Variants in SUGCT observed in about 807,000 individuals in gnomAD.
SUGCT encodes the protein succinyl-CoA:glutarate CoA-transferase.
In SUGCT, 41 loss-of-function variants were observed where a neutral mutation model predicts 55.0. The ratio of observed to expected loss-of-function variants is 0.74; its 90% confidence interval spans 0.58 to 0.97. The LOEUF (loss-of-function observed/expected upper bound fraction) is 0.97, where lower values mean the gene tolerates loss of function less well. Among genes scored for constraint, SUGCT ranks in the 50% least tolerant of loss-of-function variants. The pLI is 0.00. For missense variants in SUGCT, 568 were observed against 547.8 expected (o/e 1.04, Z -0.37); for synonymous variants, 187 against 200.4 (o/e 0.93, Z 0.56).
intron 13 of SUGCT, among the ~76,000 whole-genome samples, chr7:40,765,200 C>T (rs1295903234): frequency 1.3e-5 from 2 of 151,882 alleles, no homozygotes; most frequent in East Asian, 1.9e-4. Context: ...GTGAAATTTT[C>T]CAGTAAGACA....
intron 9 of SUGCT, among the ~76,000 whole-genome samples, chr7:40,326,755 A>C (rs1161898574): frequency 3.3e-5 from 5 of 152,186 alleles, no homozygotes; most frequent in Admixed American, 6.5e-5. Context: ...TTGGGTATAG[A>C]TTCATACTTA....
chr7:40,203,182 A>C (rs1786713434), intron 6 of SUGCT, among the ~76,000 whole-genome samples: 3 of 152,176 alleles, frequency 2.0e-5, no homozygotes, highest in Admixed American at 2.0e-4. Flanking sequence ...TTTCCAAGGA[A>C]ATTCAGCTGA....
chr7:40,960,930 T>A, the SUGCT span, among the ~76,000 whole-genome samples: 1 of 152,304 alleles, frequency 6.6e-6, no homozygotes, highest in African/African-American at 2.4e-5. Context: ...TGTGACAATT[T>A]AATTGAGCAG....
intron 13 of SUGCT, among the ~76,000 whole-genome samples, chr7:40,832,791 C>T (rs952060495): frequency 2.6e-5 from 4 of 151,884 alleles, no homozygotes; most frequent in African/African-American, 9.7e-5. Flanking sequence ...TCTCTTGCCT[C>T]ACCCTCCCAA....
In SUGCT at chr7:40,504,581, C is replaced by T. The variant is rs531010401; in HGVS notation, c.1089+8195C>T. 1.5e-4 allele frequency among the ~76,000 whole-genome samples: 23 copies of T among 152,102 alleles called. No homozygotes were observed. The South Asian group carries it at 2.1e-3, about 14-fold the overall frequency. On this transcript the variant is annotated intron_variant, in intron 12 of 13. Transcript: ENST00000335693. ...TTCCCAGTAGCTAGGATTAGAAGGGCGTGCCACCACACCCGCTAATTTTTG... is the reference window on the plus strand; with the variant it reads ...TTCCCAGTAGCTAGGATTAGAAGGGTGTGCCACCACACCCGCTAATTTTTG...
intron 12 of SUGCT, chr7:40,499,291 G>T: frequency 3.6e-6 from 1 of 274,370 alleles, no homozygotes; most frequent in Non-Finnish European, 7.4e-6. Context: ...CTCAGTAACG[G>T]CAGAAAAATT....
intron 9 of SUGCT, among the ~76,000 whole-genome samples, chr7:40,408,893 T>A (rs1786517214): frequency 6.6e-6 from 1 of 152,218 alleles, no homozygotes; most frequent in Non-Finnish European, 1.5e-5. Flanking sequence ...TATGAACAGA[T>A]ACACAAAGGC....
intron 6 of SUGCT, among the ~76,000 whole-genome samples, chr7:40,233,216 T>G (rs1788822706): frequency 6.6e-6 from 1 of 151,774 alleles, no homozygotes; most frequent in Admixed American, 6.6e-5. Context: ...ATATGTTTAT[T>G]ATTATTATTA....
intron 1 of SUGCT, among the ~76,000 whole-genome samples, chr7:40,180,203 A>G (rs1396874310): frequency 6.6e-6 from 1 of 151,218 alleles, no homozygotes; most frequent in African/African-American, 2.4e-5. Context: ...GGCTCGCTAC[A>G]GCTTCCGCCT....
At chr7:40,691,055 G>T (rs1381367177) in intron 12 of SUGCT, among the ~76,000 whole-genome samples, 3 of 152,158 alleles carry the variant, frequency 2.0e-5, no homozygotes, top group Admixed American at 6.5e-5. Flanking sequence ...GAATAGAAAA[G>T]GAAGACTCAG....
At chr7:40,648,729 G>C (rs1385572060) in intron 12 of SUGCT, among the ~76,000 whole-genome samples, 1 of 152,190 alleles carries the variant, frequency 6.6e-6, no homozygotes, top group Non-Finnish European at 1.5e-5. Flanking sequence ...AGGAATCGAA[G>C]TGTTATTGCT....
chr7:40,375,460 A>T lies in SUGCT; in HGVS notation c.816+58605A>T, dbSNP rs552829638. 2.0e-5 allele frequency among the ~76,000 whole-genome samples: 3 copies of T among 152,292 alleles called. No individual in the cohort carries two copies. The East Asian group carries it at 5.8e-4, about 29-fold the overall frequency. ...AGGTTATAAAAAAATTATCATATCA[A>T]GATTTGAAATTAGGAGTTTCTCTCC... On this transcript the variant is annotated intron_variant, in intron 9 of 13. Transcript: ENST00000335693.
At chr7:40,453,849 G>A (rs1466537749) in intron 10 of SUGCT, among the ~76,000 whole-genome samples, 1 of 152,194 alleles carries the variant, frequency 6.6e-6, no homozygotes, top group African/African-American at 2.4e-5. Context: ...TGACACAGAT[G>A]TTGGAATTAA....
the SUGCT span, among the ~76,000 whole-genome samples, chr7:40,900,288 G>A: frequency 6.6e-6 from 1 of 152,174 alleles, no homozygotes; most frequent in Admixed American, 6.5e-5. Flanking sequence ...GGCTCCTCCT[G>A]CATGACCAAG....
chr7:40,775,890 C>G (rs1466492603), intron 13 of SUGCT, among the ~76,000 whole-genome samples: 1 of 152,184 alleles, frequency 6.6e-6, no homozygotes. Flanking sequence ...ATGGTTCTGC[C>G]TCTGGAATTG....
the SUGCT span, among the ~76,000 whole-genome samples, chr7:40,976,961 G>C: frequency 6.6e-6 from 1 of 152,196 alleles, no homozygotes; most frequent in East Asian, 1.9e-4. Context: ...TCAAGTTACA[G>C]AAAGAACTCT....
chr7:40,623,564 A>G (rs1346147350), intron 12 of SUGCT, among the ~76,000 whole-genome samples: 1 of 152,192 alleles, frequency 6.6e-6, no homozygotes, highest in African/African-American at 2.4e-5. Context: ...AAGTTAATAA[A>G]TTTTATTAAA....
intron 1 of SUGCT, among the ~76,000 whole-genome samples, chr7:40,172,640 G>A (rs1022421646): frequency 4.6e-5 from 7 of 152,130 alleles, no homozygotes; most frequent in Non-Finnish European, 1.0e-4. Flanking sequence ...GCGCACGCAT[G>A]GGCAACTGTT....
intron 4 of SUGCT, 136 bp downstream of exon 4, chr7:40,188,716 C>A: frequency 1.8e-6 from 1 of 554,152 alleles, no homozygotes; most frequent in East Asian, 3.4e-5. Context: ...AATTAAAATT[C>A]TATTCATTTA....
Sources: allele counts gnomAD v4.1 joint callset (sites outside exome capture counted in the v4.1 genomes callset), GRCh38; gene constraint gnomAD v4.1.1; transcripts MANE v1.5; gene names NCBI Gene and HGNC (gene_info 2026-07-23, HGNC 2026-07-21).